The following RAD51B variants were observed in gnomAD, a reference collection of about 807,000 sequenced individuals.
RAD51B encodes DNA repair protein RAD51 homolog 2.
In RAD51B, 38 loss-of-function variants were observed where a neutral mutation model predicts 42.2. That is an observed-to-expected ratio of 0.90 (90% CI 0.70 to 1.18). RAD51B has a LOEUF of 1.18. Ranked by LOEUF, RAD51B falls within the 50% of genes most tolerant of loss-of-function variation. RAD51B has a pLI of 0.00. For synonymous variants in RAD51B, 154 were observed against 145.2 expected, an observed-to-expected ratio of 1.06 and a Z score of -0.43; for missense variants, 373 against 400.7, an observed-to-expected ratio of 0.93 and a Z score of 0.59.
intron 8 of RAD51B, among the ~76,000 whole-genome samples, chr14:68,341,332 T>C (rs1427888511): frequency 6.6e-6 from 1 of 152,196 alleles, no homozygotes; most frequent in African/African-American, 2.4e-5. Context: ...TATGGAATCA[T>C]TGGCAATTCC....
At chr14:68,531,435 C>A (rs182762726) in intron 10 of RAD51B, among the ~76,000 whole-genome samples, 2 of 151,936 alleles carry the variant, frequency 1.3e-5, no homozygotes, top group Admixed American at 1.3e-4. Flanking sequence ...AAATGCTAAC[C>A]AAAAGAAAGG....
chr14:68,504,089 C>T (rs764391885), intron 10 of RAD51B, among the ~76,000 whole-genome samples: 4 of 152,074 alleles, frequency 2.6e-5, no homozygotes, highest in Non-Finnish European at 5.9e-5. Flanking sequence ...GTTAATAGTA[C>T]CTTTCGTTTT....
intron 7 of RAD51B, among the ~76,000 whole-genome samples, chr14:67,925,670 C>T (rs1445879156): frequency 6.6e-6 from 1 of 152,192 alleles, no homozygotes; most frequent in Non-Finnish European, 1.5e-5. Context: ...GCTCTGACTC[C>T]ACATTTCCTT....
intron 4 of RAD51B, 89 bp downstream of exon 4, chr14:67,835,285 C>A: frequency 1.1e-6 from 1 of 933,022 alleles, no homozygotes; most frequent in Non-Finnish European, 1.7e-6. Context: ...TAAATTATTT[C>A]TGGAACGGTA....
intron 7 of RAD51B, among the ~76,000 whole-genome samples, chr14:67,928,077 T>A (rs1042559061): frequency 1.3e-5 from 2 of 152,158 alleles, no homozygotes; most frequent in African/African-American, 2.4e-5. Context: ...AGGACTGATA[T>A]GAGTTTTTCT....
intron 9 of RAD51B, among the ~76,000 whole-genome samples, chr14:68,457,040 G>A (rs2085713069): frequency 6.6e-6 from 1 of 151,598 alleles, no homozygotes; most frequent in Admixed American, 6.6e-5. Flanking sequence ...AGCCACCTGA[G>A]TAGCTGGGAT....
intron 9 of RAD51B, among the ~76,000 whole-genome samples, chr14:68,460,510 C>T (rs1278944000): frequency 1.3e-5 from 2 of 152,150 alleles, no homozygotes; most frequent in African/African-American, 4.8e-5. Flanking sequence ...AGGTTCCTGA[C>T]ATCTCTGTGC....
chr14:68,241,509 T>C (rs1259475169), intron 7 of RAD51B, among the ~76,000 whole-genome samples: 1 of 152,062 alleles, frequency 6.6e-6, no homozygotes, highest in Non-Finnish European at 1.5e-5. Context: ...GCCACTGCAC[T>C]CCAGCTGGGC....
chr14:68,166,240 C>T (rs2078747895), intron 7 of RAD51B, among the ~76,000 whole-genome samples: 1 of 149,080 alleles, frequency 6.7e-6, no homozygotes, highest in Admixed American at 6.8e-5. Context: ...GCCAACCTGA[C>T]AGGCATGTTG....
At chr14:68,612,808 A>G (rs906648702), downstream of RAD51B, among the ~76,000 whole-genome samples, 2 of 151,590 alleles carry the variant, frequency 1.3e-5, no homozygotes, top group Non-Finnish European at 2.9e-5. Flanking sequence ...AAAGGAAGGA[A>G]AAAAGGAAAG....
chr14:68,484,359 CTTTTT>C (rs10665607), intron 10 of RAD51B, among the ~76,000 whole-genome samples: 3 of 130,180 alleles, frequency 2.3e-5, no homozygotes, highest in African/African-American at 9.0e-5. Flanking sequence ...CTTTCTTTTT[CTTTTT>C]TTTTTTTTTT....
chr14:68,409,935 A>G (rs1331073313), intron 8 of RAD51B, among the ~76,000 whole-genome samples: 1 of 152,202 alleles, frequency 6.6e-6, no homozygotes, highest in Non-Finnish European at 1.5e-5. Flanking sequence ...TTCTCTTTCA[A>G]TCTGATATCC....
chr14:68,477,677 C>A lies in RAD51B; in HGVS notation c.*13C>A, dbSNP rs1175405443. On this transcript the variant is annotated 3_prime_UTR_variant, in exon 11 of 11. Coordinates refer to ENST00000471583, the MANE Select transcript of RAD51B (RefSeq NM_133510.4). The stretch of plus-strand genomic sequence containing the variant: ...AGAGAAGCCATAGGGATACTGTGAC[C>A]TTTGTCTAGAGTTGATGGGGGTGTG... 6.2e-7 allele frequency: 1 copy of A among 1,608,594 alleles called. No individual in the cohort carries two copies. Among genetic ancestry groups the A allele is most frequent in the Non-Finnish European group, 8.5e-7 (1 of 1,178,820 alleles).
At chr14:68,218,402 C>A (rs1407669673) in intron 7 of RAD51B, among the ~76,000 whole-genome samples, 2 of 152,210 alleles carry the variant, frequency 1.3e-5, no homozygotes, top group African/African-American at 2.4e-5. Flanking sequence ...ATATCATTGG[C>A]AGTTGGCAGT....
chr14:68,207,437 T>C (rs1395673668), intron 7 of RAD51B, among the ~76,000 whole-genome samples: 1 of 152,002 alleles, frequency 6.6e-6, no homozygotes, highest in Non-Finnish European at 1.5e-5. Context: ...AGATAGAAAA[T>C]CGAAATTCAC....
At chr14:68,482,063 G>A (rs1883221484), downstream of RAD51B, among the ~76,000 whole-genome samples, 1 of 152,060 alleles carries the variant, frequency 6.6e-6, no homozygotes, top group African/African-American at 2.4e-5. Context: ...AATCTGCCAA[G>A]CTGGTACCAC....
intron 10 of RAD51B, among the ~76,000 whole-genome samples, chr14:68,628,727 GTCT>G (rs760461968): frequency 6.5e-4 from 99 of 152,230 alleles, no homozygotes; most frequent in Non-Finnish European, 1.2e-3. Flanking sequence ...GGTGTTTCTT[GTCT>G]TCTTCTTCCA....
At chr14:68,333,593 G>A (rs1049991667) in intron 8 of RAD51B, among the ~76,000 whole-genome samples, 3 of 152,040 alleles carry the variant, frequency 2.0e-5, no homozygotes, top group Non-Finnish European at 4.4e-5. Flanking sequence ...TACAACAAAG[G>A]CTATATTTAT....
At chr14:67,889,875 CT>C (rs1410742895) in intron 7 of RAD51B, among the ~76,000 whole-genome samples, 1 of 151,884 alleles carries the variant, frequency 6.6e-6, no homozygotes, top group East Asian at 1.9e-4. Flanking sequence ...TTTTATAGAC[CT>C]TTGAGTATGT....
Sources: allele counts gnomAD v4.1 joint callset (sites outside exome capture counted in the v4.1 genomes callset), GRCh38; gene constraint gnomAD v4.1.1; transcripts MANE v1.5; gene names NCBI Gene and HGNC (gene_info 2026-07-23, HGNC 2026-07-21).